SYTL2: variants seen among roughly 807,000 people sequenced by gnomAD.
SYTL2 encodes synaptotagmin-like protein 2.
In SYTL2, 165 loss-of-function variants were observed where a neutral mutation model predicts 198.7. The ratio of observed to expected loss-of-function variants is 0.83; its 90% CI spans 0.73 to 0.94. The LOEUF is 0.94. Among genes scored for constraint, SYTL2 ranks in the 40% least tolerant of loss-of-function variants. The pLI is 0.00. For synonymous variants in SYTL2, 966 were observed against 917.7 expected, an observed-to-expected ratio of 1.05 and a Z score of -0.95; for missense variants, 2,835 against 2,582.8, an observed-to-expected ratio of 1.10 and a Z score of -2.12.
chr11:85,824,772 T>G, the SYTL2 span, among the ~76,000 whole-genome samples: 2 of 152,168 alleles, frequency 1.3e-5, no homozygotes, highest in Non-Finnish European at 1.5e-5. Flanking sequence ...GAAAAGAAAG[T>G]GCGGGCACTA....
the SYTL2 span, among the ~76,000 whole-genome samples, chr11:85,816,892 G>A: frequency 7.0e-6 from 1 of 142,736 alleles, no homozygotes; most frequent in Non-Finnish European, 1.5e-5. Flanking sequence ...TTCCAGCCTG[G>A]GTGACAGAGC....
chr11:85,783,391 G>A (rs2092592262), intron 1 of SYTL2, among the ~76,000 whole-genome samples: 1 of 152,014 alleles, frequency 6.6e-6, no homozygotes, highest in African/African-American at 2.4e-5. Context: ...ACAACAGGTG[G>A]GGATTATGGG....
chr11:85,776,711 C>T (rs150372880), intron 1 of SYTL2, among the ~76,000 whole-genome samples: 14 of 152,290 alleles, frequency 9.2e-5, no homozygotes, highest in Admixed American at 4.6e-4. Context: ...AATAAACATG[C>T]GTGTGCATGT....
At chr11:85,829,702 TC>T in the SYTL2 span, among the ~76,000 whole-genome samples, 1 of 152,198 alleles carries the variant, frequency 6.6e-6, no homozygotes, top group South Asian at 2.1e-4. Flanking sequence ...CTCCACAGCC[TC>T]CCCAGCATCT....
At chr11:85,736,900 C>G (rs997521831) in intron 5 of SYTL2, among the ~76,000 whole-genome samples, 1 of 152,104 alleles carries the variant, frequency 6.6e-6, no homozygotes, top group Non-Finnish European at 1.5e-5. Flanking sequence ...AACTTGGCCC[C>G]GGATATAGCA....
chr11:85,784,059 C>G (rs1324743505), intron 1 of SYTL2, among the ~76,000 whole-genome samples: 2 of 152,138 alleles, frequency 1.3e-5, no homozygotes, highest in Admixed American at 6.5e-5. Flanking sequence ...TGCCATGTGC[C>G]CATGGCAGGC....
intron 12 of SYTL2, among the ~76,000 whole-genome samples, chr11:85,712,961 T>C (rs2086582340): frequency 6.6e-6 from 1 of 152,120 alleles, no homozygotes; most frequent in East Asian, 1.9e-4. Flanking sequence ...TCAAGGGATC[T>C]GCCCGTCTCA....
intron 1 of SYTL2, among the ~76,000 whole-genome samples, chr11:85,773,208 T>G (rs967711782): frequency 6.6e-6 from 1 of 152,176 alleles, no homozygotes; most frequent in Non-Finnish European, 1.5e-5. Flanking sequence ...ATTGTAAGAC[T>G]CCCTGGCAGG....
At chr11:85,717,195 G>C (rs2087442600) in intron 11 of SYTL2, 1 of 182,380 alleles carries the variant, frequency 5.5e-6, no homozygotes, top group African/African-American at 2.4e-5. Context: ...TTTAAGCAGA[G>C]ATTCAAACAG....
At chr11:85,789,358 A>ATATATATATATATATATGTG in intron 1 of SYTL2, among the ~76,000 whole-genome samples, 1 of 59,740 alleles carries the variant, frequency 1.7e-5, no homozygotes, top group African/African-American at 6.5e-5. Context: ...ATATATATAT[A>ATATATATATATATATATGTG]TATATATATA....
the SYTL2 span, among the ~76,000 whole-genome samples, chr11:85,848,224 G>A: frequency 2.5e-4 from 38 of 149,696 alleles, 1 homozygote; most frequent in South Asian, 2.1e-3. Flanking sequence ...TGGTGACAGA[G>A]CAAGACCCTG....
chr11:85,787,555 A>G (rs2092654920), intron 1 of SYTL2, among the ~76,000 whole-genome samples: 1 of 152,304 alleles, frequency 6.6e-6, no homozygotes, highest in Non-Finnish European at 1.5e-5. Flanking sequence ...GACAAGTTCA[A>G]GTGGAAGATG....
chr11:85,714,699 GA>G (rs1400612865), intron 11 of SYTL2, 192 bp from the exon 12 acceptor site: 3 of 1,276,440 alleles, frequency 2.4e-6, no homozygotes, highest in Non-Finnish European at 3.0e-6. Context: ...TATAGAGAGA[GA>G]ACTAGCAAGG....
chr11:85,700,641 T>G (rs2084144327), intron 16 of SYTL2, 48 bp from the exon 17 acceptor site: 1 of 1,416,736 alleles, frequency 7.1e-7, no homozygotes, highest in African/African-American at 1.4e-5. Context: ...CTTTTCATCC[T>G]GTTTGTTGGT....
At position 85,700,594 on chromosome 11, in the gene SYTL2, C is replaced by A; in HGVS notation, c.6190-1G>T. The A allele has an allele frequency of 6.2e-7, 1 of 1,613,632 alleles. No individual in the cohort carries two copies. Among genetic ancestry groups the A allele is most frequent in the South Asian group, 1.1e-5 (1 of 91,060 alleles). Reference sequence around the variant, plus strand: ...CTGCTTCAAGGGCAACTGGTGCTGTCTGAAAAGTGAAGAAATGTCAGCAGG... The same window carrying A: ...CTGCTTCAAGGGCAACTGGTGCTGTATGAAAAGTGAAGAAATGTCAGCAGG... On this transcript the variant is annotated splice_acceptor_variant, in intron 16 of 19. Coordinates refer to ENST00000359152, the MANE Select transcript of SYTL2 (RefSeq NM_206927.4). LOFTEE classifies it high-confidence loss of function.
rs543561857 is a variant in SYTL2 at position 85,720,748 on chromosome 11, C to A, written c.5428+110G>T. 71 of 689,210 alleles carry A rather than the reference C, an allele frequency of 1.0e-4. No homozygotes were observed. The Middle Eastern group carries it at 1.2e-3, about 12-fold the overall frequency. 42.7% of individuals were successfully genotyped at this position (689,210 alleles called of 1,614,324 possible). A position where few individuals can be genotyped will look rare whatever the true frequency, so the allele number is the denominator to read the frequency against. ...GAGGTTATTTTCATCTGTTAACTGC[C>A]CCCATTAGAGGGTGCAGTGCACAAC... On this transcript the variant is annotated intron_variant, in intron 9 of 19. Transcript: ENST00000359152.
intron 16 of SYTL2, among the ~76,000 whole-genome samples, chr11:85,701,020 T>C (rs886577750): frequency 6.6e-6 from 1 of 152,240 alleles, no homozygotes; most frequent in African/African-American, 2.4e-5. Context: ...GGAAAGGCCA[T>C]ATCTTACATT....
At chr11:85,832,421 T>C in the SYTL2 span, among the ~76,000 whole-genome samples, 3,102 of 152,300 alleles carry the variant, frequency 0.02, 112 homozygotes, top group African/African-American at 0.069. Context: ...ATTCAACAAA[T>C]ATGCACCAGG....
intron 1 of SYTL2, 71 bp downstream of exon 1, chr11:85,810,883 G>A (rs1033125741): frequency 6.6e-6 from 1 of 152,358 alleles, no homozygotes; most frequent in Non-Finnish European, 1.5e-5. Context: ...CAGAGACCAA[G>A]AGAGGGAAAC....
Sources: gnomAD v4.1 joint callset for allele counts (sites outside exome capture counted in the v4.1 genomes callset) on GRCh38, gnomAD v4.1.1 for gene constraint, MANE v1.5 for transcripts, NCBI Gene and HGNC (gene_info 2026-07-23, HGNC 2026-07-21) for gene names.